Variants in SHOX observed in about 807,000 individuals in gnomAD.
The protein encoded by SHOX is short stature homeobox protein.
In SHOX, 12 loss-of-function variants were observed where a neutral mutation model predicts 29.6. The ratio of observed to expected loss-of-function variants is 0.41; its 90% CI spans 0.26 to 0.66. The LOEUF (loss-of-function observed/expected upper bound fraction) is 0.66. Ranked by LOEUF, SHOX falls within the 30% of genes least tolerant of loss-of-function variation. The pLI is 0.35. For missense variants in SHOX, 499 were observed against 437.7 expected (o/e 1.14, Z -1.25); for synonymous variants, 214 against 200.6 (o/e 1.07, Z -0.57).
At chrX:655,680 A>C (rs2053137532), downstream of SHOX, among the ~76,000 whole-genome samples, 1 of 141,834 alleles carries the variant, frequency 7.1e-6, no homozygotes, top group Admixed American at 7.3e-5. Flanking sequence ...TTGCTGGGTG[A>C]CCAGCTCATC....
At chrX:637,797 C>T (rs1186651076) in intron 2 of SHOX, among the ~76,000 whole-genome samples, 1 of 152,152 alleles carries the variant, frequency 6.6e-6, no homozygotes, top group Non-Finnish European at 1.5e-5. Context: ...CTCAGTACAG[C>T]CCGTCCCGTG....
upstream of SHOX, among the ~76,000 whole-genome samples, chrX:629,149 G>GTCTC (rs2052599763): frequency 1.4e-5 from 2 of 137,990 alleles, no homozygotes; most frequent in Non-Finnish European, 3.2e-5. Context: ...CTCCCTGTCT[G>GTCTC]TTTCTCTCTC....
Position 634,598 on chromosome X carries a change from G to A in SHOX, c.278-20G>A, listed in dbSNP as rs1443782674. ...AAAACCTCCCCGGCCTCAGCCCTGT[G>A]CCCTCCGCTCCCCACGCAGGGATTT... On this transcript the variant is annotated intron_variant, in intron 1 of 4. Coordinates refer to ENST00000686671, the MANE Select transcript of SHOX (RefSeq NM_000451.4). The A allele has an allele frequency of 2.5e-6, 4 of 1,612,166 alleles. No individual in the cohort carries two copies. The highest frequency in any genetic ancestry group is 1.7e-5 in the Admixed American group (1 of 59,912).
Position 640,124 on chromosome X carries a change from C to A in SHOX, c.487-697C>A, listed in dbSNP as rs183680703. Among the ~76,000 whole-genome samples, 1,420 of 152,160 alleles carry A rather than the reference C, an allele frequency of 9.3e-3. 17 individuals carry two copies. The highest frequency in any genetic ancestry group is 0.033 in the African/African-American group (1,366 of 41,484). ...CTTTGGGAGGCCCAGGAGGGTGGAT[C>A]GCTTGAGGTCAGGAGTTCGAGACCA... On this transcript the variant is annotated intron_variant, in intron 2 of 4. Coordinates refer to ENST00000686671, the MANE Select transcript of SHOX (RefSeq NM_000451.4).
chrX:634,741 G>A lies in SHOX; in HGVS notation c.401G>A (p.Arg134Gln). 2 of 1,612,612 alleles carry A rather than the reference G, an allele frequency of 1.2e-6. No homozygotes were observed. Among genetic ancestry groups the A allele is most frequent in the Non-Finnish European group, 1.7e-6 (2 of 1,179,422 alleles). ...FTLEQLNELE[R>Q]LFDETHYPDA... is the part of the protein sequence containing the mutation. ...CTGGAGCAGCTGAACGAGCTCGAGC[G>A]ACTCTTCGACGAGACCCATTACCCC... The change falls in exon 2 of 5, where the codon CGA (arginine) becomes CAA (glutamine). Residue 134 changes from arginine (R) to glutamine (Q), a missense_variant. Transcript: ENST00000686671.
rs1160504767 is a variant in SHOX at position 645,871 on chromosome X, T to C, written c.*1235T>C. On this transcript the variant is annotated 3_prime_UTR_variant, in exon 5 of 5. Transcript: ENST00000686671. ...GCTTTTCTTTCTCCCCTACTCCATC[T>C]TCTGCGTTCCCCCAGTTCTTTTATT... 6.6e-6 allele frequency: 1 copy of C among 152,252 alleles called. No homozygotes were observed. Among genetic ancestry groups the C allele is most frequent in the African/African-American group, 2.4e-5 (1 of 41,462 alleles). 9.4% of individuals were successfully genotyped at this position (152,252 alleles called of 1,614,324 possible).
chrX:658,821 A>G lies in SHOX; in HGVS notation c.670A>G (p.Met224Val), dbSNP rs753553503. The G allele has an allele frequency of 1.3e-5, 5 of 397,066 alleles. No homozygotes were observed. The East Asian group carries it at 2.7e-4, about 21-fold the overall frequency. The allele number at this position is 397,066 out of a possible 1,614,324, so 24.6% of individuals were successfully genotyped here. A position where few individuals can be genotyped will look rare whatever the true frequency, so the allele number is the denominator to read the frequency against. The change falls in exon 6 of 6, where the codon ATG becomes GTG. Residue 224 changes from methionine to valine, a missense_variant. Transcript: ENST00000334060. ...CTCTTGTCGCCCGGGCTGGAGTATA[A>G]TGGCATGATCTCGACTCACTGCAAC... is the stretch of plus-strand genomic sequence containing the variant.
chrX:628,320 CTTGTCT>C (rs1569492626), upstream of SHOX, among the ~76,000 whole-genome samples: 4 of 136,468 alleles, frequency 2.9e-5, 1 homozygote, highest in Non-Finnish European at 1.6e-5. Flanking sequence ...TCTGTCTCTC[CTTGTCT>C]CTCTCTTTCT....
intron 2 of SHOX, among the ~76,000 whole-genome samples, chrX:635,580 G>A (rs1374332760): frequency 1.3e-5 from 2 of 152,210 alleles, no homozygotes; most frequent in Non-Finnish European, 2.9e-5. Flanking sequence ...TATTAGCGGG[G>A]CACGGGGGCT....
chrX:653,252 T>C (rs1229315998), downstream of SHOX, among the ~76,000 whole-genome samples: 1 of 151,926 alleles, frequency 6.6e-6, no homozygotes, highest in Admixed American at 6.6e-5. Context: ...AAAAAATGAA[T>C]AATAAAATAA....
intron 2 of SHOX, among the ~76,000 whole-genome samples, chrX:637,942 TC>T (rs2124176560): frequency 6.6e-6 from 1 of 152,312 alleles, no homozygotes; most frequent in East Asian, 1.9e-4. Context: ...CTGTCAGGCT[TC>T]TAATCGAAAG....
In SHOX at chrX:644,495, C is replaced by A; in HGVS notation, c.738C>A (p.Phe246Leu). 1 of 1,521,900 alleles carries A rather than the reference C, an allele frequency of 6.6e-7. No homozygotes were observed. The highest frequency in any genetic ancestry group is 8.8e-7 in the Non-Finnish European group (1 of 1,141,682). The allele number at this position is 1,521,900 out of a possible 1,614,324, so 94.3% of individuals were successfully genotyped here. ...ACCTGATGTTCCCCCCGCCGCCCTT[C>A]GGGCTGCCCATCGCGTCGCTGGCCG... ...APYLMFPPPP[F>L]GLPIASLAES... Residue 246 changes from phenylalanine (F) to leucine (L), a missense_variant, in exon 5 of 5, where the codon TTC (phenylalanine) becomes TTA (leucine). By Grantham distance (22) the Phe-to-Leu change is conservative. Transcript: ENST00000686671.
Position 644,652 on chromosome X carries a change from C to T in SHOX, c.*16C>T. 6.9e-7 allele frequency: 1 copy of T among 1,441,910 alleles called. No homozygotes were observed. Among genetic ancestry groups the T allele is most frequent in the Non-Finnish European group, 9.0e-7 (1 of 1,106,928 alleles). The allele number at this position is 1,441,910 out of a possible 1,614,324, so 89.3% of individuals were successfully genotyped here. A position where few individuals can be genotyped will look rare whatever the true frequency, so the allele number is the denominator to read the frequency against. The stretch of plus-strand genomic sequence containing the variant: ...GGGGCTCTGACCCGCCGCGCAGCCC[C>T]CCGCGCGCCCGGACTCCCGGGCTCC... On this transcript the variant is annotated 3_prime_UTR_variant, in exon 5 of 5. Transcript: ENST00000686671.
downstream of SHOX, among the ~76,000 whole-genome samples, chrX:652,705 G>C (rs1401105936): frequency 1.3e-5 from 2 of 152,146 alleles, no homozygotes; most frequent in African/African-American, 4.8e-5. Context: ...GTGTGTCCAG[G>C]CCATTCTGCA....
intron 1 of SHOX, among the ~76,000 whole-genome samples, chrX:634,131 C>T (rs1475544319): frequency 2.6e-5 from 4 of 152,166 alleles, no homozygotes; most frequent in Non-Finnish European, 5.9e-5. Context: ...CTCCTAGCTC[C>T]GCCAGATCGC....
chrX:631,025 T>A lies in SHOX; in HGVS notation c.128T>A (p.Leu43Gln). The part of the protein sequence containing the change: ...ITYREVLESG[L>Q]ARSRELGTSD... ...TACCGGGAAGTTTTGGAGAGCGGACTGGCGCGCTCCCGGGAGCTGGGGACG... is the reference window on the plus strand; with the variant it reads ...TACCGGGAAGTTTTGGAGAGCGGACAGGCGCGCTCCCGGGAGCTGGGGACG... Residue 43 changes from leucine (L) to glutamine (Q), a missense_variant, in exon 1 of 5, where the codon CTG becomes CAG. Transcript: ENST00000686671. 1.2e-6 allele frequency: 2 copies of A among 1,613,780 alleles called. No homozygotes were observed. Among genetic ancestry groups the A allele is most frequent in the Non-Finnish European group, 1.7e-6 (2 of 1,179,838 alleles).
chrX:640,968 C>A, intron 3 of SHOX, 31 bp from the exon 4 acceptor site: 1 of 1,613,532 alleles, frequency 6.2e-7, no homozygotes, highest in South Asian at 1.1e-5. Context: ...CCCAGGACCA[C>A]CACACTGACA....
chrX:651,179 G>C lies in SHOX; in HGVS notation c.*6543G>C, dbSNP rs141708560. On this transcript the variant is annotated 3_prime_UTR_variant, in exon 5 of 5. Transcript: ENST00000686671. ...ATGTCGAGTGTAAATTTGACATCGCGTTGCATTTATTTTTATATTTCTGAA... is the reference window on the plus strand; with the variant it reads ...ATGTCGAGTGTAAATTTGACATCGCCTTGCATTTATTTTTATATTTCTGAA... The C allele has an allele frequency of 2.4e-6, 1 of 411,044 alleles. No individual in the cohort carries two copies. The highest frequency in any genetic ancestry group is 4.9e-6 in the Non-Finnish European group (1 of 204,478). 25.5% of individuals were successfully genotyped at this position (411,044 alleles called of 1,614,324 possible).
chrX:655,410 G>T (rs1355569325), downstream of SHOX, among the ~76,000 whole-genome samples: 2 of 151,508 alleles, frequency 1.3e-5, no homozygotes, highest in African/African-American at 4.8e-5. Flanking sequence ...TTCAAGACCA[G>T]CCTCAGCAAC....
Sources: allele counts gnomAD v4.1 joint callset (sites outside exome capture counted in the v4.1 genomes callset), GRCh38; gene constraint gnomAD v4.1.1; transcripts MANE v1.5; gene names NCBI Gene and HGNC (gene_info 2026-07-23, HGNC 2026-07-21).